The following YES1 variants were observed in gnomAD, a reference collection of about 807,000 sequenced individuals.
YES1 encodes the protein tyrosine-protein kinase Yes.
YES1 carries 39 observed loss-of-function variants against 70.4 expected under a neutral mutation model. The ratio of observed to expected loss-of-function variants is 0.55; its 90% CI spans 0.43 to 0.72. The LOEUF (loss-of-function observed/expected upper bound fraction) is 0.72, where lower values mean the gene tolerates loss of function less well. YES1 is among the 30% of genes least tolerant of loss of function. The probability of loss-of-function intolerance (pLI) is 0.00; values close to 1 mark genes in which losing one functional copy is unlikely to be tolerated. For synonymous variants in YES1, 198 were observed against 218.6 expected, an observed-to-expected ratio of 0.91 and a Z score of 0.83; for missense variants, 495 against 644.8, an observed-to-expected ratio of 0.77 and a Z score of 2.52.
At chr18:751,904 G>T (rs2080349107) in intron 2 of YES1, 100 bp from the exon 3 acceptor site, 5 of 763,918 alleles carry the variant, frequency 6.5e-6, no homozygotes, top group East Asian at 2.5e-5. Flanking sequence ...CTTAAGGATA[G>T]TTTTTTCTGT....
At chr18:788,780 G>A (rs557878593) in intron 1 of YES1, among the ~76,000 whole-genome samples, 1 of 152,138 alleles carries the variant, frequency 6.6e-6, no homozygotes, top group Non-Finnish European at 1.5e-5. Context: ...TTAAAAATTA[G>A]CCAGACATGG....
At chr18:726,673 CG>C (rs1460639356) in intron 11 of YES1, among the ~76,000 whole-genome samples, 2 of 131,898 alleles carry the variant, frequency 1.5e-5, no homozygotes. Flanking sequence ...CCCAGCTACT[CG>C]GGAGGCTGAG....
intron 1 of YES1, among the ~76,000 whole-genome samples, chr18:776,866 A>G (rs952285705): frequency 2.0e-5 from 3 of 152,150 alleles, no homozygotes; most frequent in Non-Finnish European, 4.4e-5. Context: ...GGCTTCCTAC[A>G]ACCTACAAAA....
intron 1 of YES1, among the ~76,000 whole-genome samples, chr18:762,340 T>C (rs538544075): frequency 6.6e-5 from 10 of 151,968 alleles, no homozygotes; most frequent in South Asian, 2.1e-4. Context: ...AAAAAAGAAA[T>C]GTAACATCAT....
chr18:734,906 C>G (rs2080134362), intron 10 of YES1, among the ~76,000 whole-genome samples: 1 of 152,122 alleles, frequency 6.6e-6, no homozygotes, highest in South Asian at 2.1e-4. Context: ...GCCTGTAATC[C>G]CAGCGCTTTG....
At chr18:742,768 A>G (rs1373470183) in intron 8 of YES1, 150 bp downstream of exon 8, 1 of 529,982 alleles carries the variant, frequency 1.9e-6, no homozygotes, top group African/African-American at 2.0e-5. Context: ...GATAATCACT[A>G]TTCCATTAAA....
intron 1 of YES1, among the ~76,000 whole-genome samples, chr18:775,574 A>T (rs1905337720): frequency 6.6e-6 from 1 of 152,150 alleles, no homozygotes; most frequent in Non-Finnish European, 1.5e-5. Flanking sequence ...AAGCAGGAGG[A>T]TTGTGTGAGC....
rs1205378244 is a variant in YES1, at chr18:790,459, CCTTTT to C, written c.-9+21650_-9+21654del. ...TCTGTTTCTCGTTTCTAATTCATTA[CCTTTT>C]CTTTTAATTTCCTCTTATTATAACA... is the stretch of plus-strand genomic sequence containing the variant. On this transcript the variant is annotated intron_variant, in intron 1 of 11. Transcript: ENST00000314574. 3.9e-5 allele frequency among the ~76,000 whole-genome samples: 6 copies of C among 152,222 alleles called. No individual in the cohort carries two copies. In the South Asian group the frequency reaches 8.3e-4, roughly 21 times the overall value.
At chr18:801,526 T>C (rs1208810163) in intron 1 of YES1, among the ~76,000 whole-genome samples, 1 of 152,222 alleles carries the variant, frequency 6.6e-6, no homozygotes, top group Non-Finnish European at 1.5e-5. Context: ...GCAACACGTC[T>C]GAAATTTTAA....
At chr18:769,520 T>C (rs1387478937) in intron 1 of YES1, among the ~76,000 whole-genome samples, 3 of 152,230 alleles carry the variant, frequency 2.0e-5, no homozygotes, top group African/African-American at 7.2e-5. Flanking sequence ...GGAAAGTATT[T>C]AGTCCATCAC....
At chr18:736,562 A>G in intron 10 of YES1, 1 of 334,142 alleles carries the variant, frequency 3.0e-6, no homozygotes, top group Non-Finnish European at 5.3e-6. Flanking sequence ...TGTCATGTCA[A>G]AAGAAGTGTA....
At chr18:801,309 G>A (rs1906809503) in intron 1 of YES1, among the ~76,000 whole-genome samples, 1 of 151,994 alleles carries the variant, frequency 6.6e-6, no homozygotes, top group Non-Finnish European at 1.5e-5. Context: ...GTCCACCCTG[G>A]GAGACAGAGT....
At chr18:781,354 T>C (rs1245374517) in intron 1 of YES1, among the ~76,000 whole-genome samples, 1 of 151,984 alleles carries the variant, frequency 6.6e-6, no homozygotes, top group Non-Finnish European at 1.5e-5. Context: ...GATCCTCAAA[T>C]GTACCATACT....
At chr18:764,881 C>T (rs906412060) in intron 1 of YES1, among the ~76,000 whole-genome samples, 12 of 151,486 alleles carry the variant, frequency 7.9e-5, no homozygotes, top group Admixed American at 1.3e-4. Flanking sequence ...TACAGGTGCA[C>T]ACCACCACAC....
intron 1 of YES1, among the ~76,000 whole-genome samples, chr18:758,183 G>A (rs1281304586): frequency 1.3e-5 from 2 of 152,030 alleles, no homozygotes; most frequent in Non-Finnish European, 2.9e-5. Context: ...ATTTCAACAT[G>A]TAACCGATAT....
At chr18:784,822 T>A (rs1905854162) in intron 1 of YES1, among the ~76,000 whole-genome samples, 1 of 152,186 alleles carries the variant, frequency 6.6e-6, no homozygotes, top group Admixed American at 6.5e-5. Context: ...AACTCTCTAT[T>A]TCAAAATCAG....
At chr18:732,313 G>T (rs2080100077) in intron 11 of YES1, among the ~76,000 whole-genome samples, 1 of 151,612 alleles carries the variant, frequency 6.6e-6, no homozygotes, top group Non-Finnish European at 1.5e-5. Context: ...GGTGGTGGGT[G>T]CCTGTAATCC....
chr18:730,631 T>A (rs758907124), intron 11 of YES1, among the ~76,000 whole-genome samples: 1 of 152,214 alleles, frequency 6.6e-6, no homozygotes, highest in Non-Finnish European at 1.5e-5. Context: ...GCTTTCTGTC[T>A]GGGTTTTACT....
intron 1 of YES1, among the ~76,000 whole-genome samples, chr18:783,396 C>G (rs1057326274): frequency 1.7e-4 from 26 of 151,924 alleles, no homozygotes; most frequent in African/African-American, 5.8e-4. Flanking sequence ...GGGAAACACA[C>G]ACACACACAC....
Sources: allele counts gnomAD v4.1 joint callset (sites outside exome capture counted in the v4.1 genomes callset), GRCh38; gene constraint gnomAD v4.1.1; transcripts MANE v1.5; gene names NCBI Gene and HGNC (gene_info 2026-07-23, HGNC 2026-07-21).